EML5: variants seen among roughly 807,000 people sequenced by gnomAD.
EML5 encodes the protein EMAP like 5.
In EML5, 120 loss-of-function variants were observed where a neutral mutation model predicts 250.0. The ratio of observed to expected loss-of-function variants is 0.48; its 90% confidence interval spans 0.41 to 0.56. The LOEUF (loss-of-function observed/expected upper bound fraction) is 0.56, where lower values mean the gene tolerates loss of function less well. Ranked by LOEUF, EML5 falls within the 20% of genes least tolerant of loss-of-function variation. The pLI, the probability that EML5 is intolerant of heterozygous loss-of-function variation, is 0.00. For missense variants in EML5, 2,006 were observed against 2,437.6 expected, an observed-to-expected ratio of 0.82 and a Z score of 3.73; for synonymous variants, 771 against 806.5, an observed-to-expected ratio of 0.96 and a Z score of 0.75.
chr14:88,615,672 AG>A lies in EML5; in HGVS notation c.*145del, dbSNP rs2087482239. The A allele has an allele frequency of 3.5e-5, 24 of 694,880 alleles. No individual in the cohort carries two copies. In the South Asian group the frequency reaches 3.8e-4, roughly 11 times the overall value. 43.0% of individuals were successfully genotyped at this position (694,880 alleles called of 1,614,324 possible). On this transcript the variant is annotated 3_prime_UTR_variant, in exon 44 of 44. Coordinates refer to ENST00000554922, the MANE Select transcript of EML5 (RefSeq NM_183387.3). The stretch of plus-strand genomic sequence containing the variant: ...ATATAGCAAATATTTTGAACAGATC[AG>A]TCTTTCACTATTTTGATGATTCTGG...
chr14:88,681,937 T>C lies in EML5; in HGVS notation c.3077A>G (p.Asp1026Gly). Reference protein sequence around the residue: ...VSDDKTLRIWDLSPSHCMLAV... With the variant: ...VSDDKTLRIWGLSPSHCMLAV... Reference sequence around the variant, plus strand: ...CAACATACAATGACTAGGTGAGAGATCCCATATTCTTAAGGTTTTATCATC... The same window carrying C: ...CAACATACAATGACTAGGTGAGAGACCCCATATTCTTAAGGTTTTATCATC... The change falls in exon 21 of 44, where the codon GAT (aspartate) becomes GGT (glycine). Residue 1026 changes from aspartate (D) to glycine (G), a missense_variant. Asp to Gly is a moderately conservative substitution (Grantham distance 94, BLOSUM62 -1). Transcript: ENST00000554922. The C allele has an allele frequency of 6.2e-7, 1 of 1,613,418 alleles. No individual in the cohort carries two copies. The highest frequency in any genetic ancestry group is 8.5e-7 in the Non-Finnish European group (1 of 1,179,698).
rs1480877904 is a variant in EML5, at chr14:88,612,506, T to C, written c.*3312A>G. The C allele has an allele frequency of 6.6e-6, 1 of 152,406 alleles. No individual in the cohort carries two copies. The highest frequency in any genetic ancestry group is 2.4e-5 in the African/African-American group (1 of 41,460). The allele number at this position is 152,406 out of a possible 1,614,324, so 9.4% of individuals were successfully genotyped here. On this transcript the variant is annotated 3_prime_UTR_variant, in exon 44 of 44. Coordinates refer to ENST00000554922, the MANE Select transcript of EML5 (RefSeq NM_183387.3). The stretch of plus-strand genomic sequence containing the variant: ...GGGAAACTACATTATCACAAAATTA[T>C]ACAAATTTTTTTACAAGTATTTACA...
intron 28 of EML5, among the ~76,000 whole-genome samples, chr14:88,648,580 C>A (rs898694412): frequency 6.6e-6 from 1 of 152,098 alleles, no homozygotes; most frequent in East Asian, 1.9e-4. Flanking sequence ...TGATCTTTAA[C>A]TCCTGGCCTC....
intron 28 of EML5, among the ~76,000 whole-genome samples, chr14:88,649,602 ATATGTGTGGTTAGGTTTGTTTTTACGAGC>A (rs1457577807): frequency 1.6e-4 from 24 of 152,224 alleles, no homozygotes; most frequent in Admixed American, 3.3e-4. Context: ...TCACTTAAAT[ATATGTGTGGTTAGGTTTGTTTTTACGAGC>A]CTCTGAAACT....
chr14:88,663,288 C>T (rs1266813281), intron 23 of EML5, among the ~76,000 whole-genome samples, 169 bp from the exon 24 acceptor site: 1 of 152,096 alleles, frequency 6.6e-6, no homozygotes, highest in East Asian at 1.9e-4. Context: ...TTCCATATTA[C>T]TAAGTAACTA....
chr14:88,643,419 T>G (rs1170928611), intron 30 of EML5, among the ~76,000 whole-genome samples: 4 of 152,170 alleles, frequency 2.6e-5, no homozygotes, highest in African/African-American at 9.7e-5. Flanking sequence ...CAATATTGTA[T>G]AACAAATATG....
intron 33 of EML5, among the ~76,000 whole-genome samples, chr14:88,632,094 G>A (rs2090469461): frequency 1.3e-5 from 2 of 152,116 alleles, no homozygotes; most frequent in African/African-American, 4.8e-5. Context: ...CTGTCAAACT[G>A]ATTTCTCTCA....
At chr14:88,752,937 C>G (rs995701670) in intron 2 of EML5, among the ~76,000 whole-genome samples, 4 of 152,188 alleles carry the variant, frequency 2.6e-5, no homozygotes, top group Non-Finnish European at 5.9e-5. Context: ...AGAGCCACTT[C>G]CATTGCTCAA....
chr14:88,664,705 TTTTC>T, intron 22 of EML5, 81 bp from the exon 23 acceptor site: 1 of 1,406,890 alleles, frequency 7.1e-7, no homozygotes, highest in Non-Finnish European at 9.6e-7. Flanking sequence ...TTAATTTTCC[TTTTC>T]TTTATGGAGA....
chr14:88,673,709 T>G (rs1481766141), intron 21 of EML5, among the ~76,000 whole-genome samples: 1 of 152,130 alleles, frequency 6.6e-6, no homozygotes, highest in East Asian at 1.9e-4. Context: ...TGTGCAAAAA[T>G]TACAAGCATT....
chr14:88,633,879 G>C (rs1034642527), intron 33 of EML5, among the ~76,000 whole-genome samples: 1 of 152,038 alleles, frequency 6.6e-6, no homozygotes, highest in African/African-American at 2.4e-5. Context: ...CCAAAGCACT[G>C]GGATTACAGG....
intron 30 of EML5, 66 bp downstream of exon 30, chr14:88,644,367 T>C: frequency 7.0e-7 from 1 of 1,432,754 alleles, no homozygotes; most frequent in Non-Finnish European, 9.7e-7. Context: ...ATGACAAAAC[T>C]TGGGTGTTTT....
intron 1 of EML5, among the ~76,000 whole-genome samples, chr14:88,774,606 C>G (rs2094430197): frequency 1.3e-5 from 2 of 152,092 alleles, no homozygotes; most frequent in South Asian, 4.1e-4. Flanking sequence ...TTCCTTTCTC[C>G]CTGAAATACT....
At chr14:88,696,703 G>T (rs2093087239) in intron 15 of EML5, 144 bp downstream of exon 15, 4 of 445,060 alleles carry the variant, frequency 9.0e-6, no homozygotes, top group Non-Finnish European at 7.8e-6. Flanking sequence ...CATAGTATTT[G>T]ATAAGGATAA....
chr14:88,635,826 C>T (rs12431548), intron 32 of EML5, among the ~76,000 whole-genome samples: 35,926 of 151,956 alleles, frequency 0.24, 4,439 homozygotes, highest in East Asian at 0.37. Context: ...GGATGGAGCC[C>T]TCACAATGAG....
chr14:88,650,178 C>A (rs1018937895), intron 27 of EML5, among the ~76,000 whole-genome samples: 1 of 152,090 alleles, frequency 6.6e-6, no homozygotes, highest in African/African-American at 2.4e-5. Flanking sequence ...ATTGGCTGGG[C>A]AAGGTGGCTC....
At chr14:88,758,431 G>A (rs2094192776) in intron 1 of EML5, among the ~76,000 whole-genome samples, 1 of 151,966 alleles carries the variant, frequency 6.6e-6, no homozygotes, top group Non-Finnish European at 1.5e-5. Context: ...CTGACCTCAG[G>A]AGATCCACCT....
rs2086979880 is a variant in EML5, at chr14:88,612,811, C to CTGTT, written c.*3003_*3006dup. 1 of 152,462 alleles carries CTGTT rather than the reference C, an allele frequency of 6.6e-6. No homozygotes were observed. Among genetic ancestry groups the CTGTT allele is most frequent in the Non-Finnish European group, 1.5e-5 (1 of 68,014 alleles). 9.4% of individuals were successfully genotyped at this position (152,462 alleles called of 1,614,324 possible). ...GTTTTTTTGTGTGTGGTTTTTAAAA[C>CTGTT]TGTTAAGGCAAGAAGTGTCAAATGC... On this transcript the variant is annotated 3_prime_UTR_variant, in exon 44 of 44. Coordinates refer to ENST00000554922, the MANE Select transcript of EML5 (RefSeq NM_183387.3).
intron 39 of EML5, chr14:88,619,396 A>T (rs563792276): frequency 6.6e-6 from 1 of 152,532 alleles, no homozygotes; most frequent in South Asian, 2.1e-4. Context: ...TTAATTTTTT[A>T]AATAGAGGCG....
Sources: allele counts gnomAD v4.1 joint callset (sites outside exome capture counted in the v4.1 genomes callset), GRCh38; gene constraint gnomAD v4.1.1; transcripts MANE v1.5; gene names NCBI Gene and HGNC (gene_info 2026-07-23, HGNC 2026-07-21).